The following B3GLCT variants were observed in gnomAD, a reference collection of about 807,000 sequenced individuals.
B3GLCT encodes beta 3-glucosyltransferase.
In B3GLCT, 65 loss-of-function variants were observed where a neutral mutation model predicts 63.4. The ratio of observed to expected loss-of-function variants is 1.03; its 90% CI spans 0.84 to 1.26. The LOEUF is 1.26. Among genes scored for constraint, B3GLCT ranks in the 50% most tolerant of loss-of-function variants. The pLI is 0.00. For missense variants in B3GLCT, 577 were observed against 604.8 expected, an observed-to-expected ratio of 0.95 and a Z score of 0.48; for synonymous variants, 233 against 219.2, an observed-to-expected ratio of 1.06 and a Z score of -0.55.
intron 3 of B3GLCT, among the ~76,000 whole-genome samples, chr13:31,226,947 A>G (rs555123455): frequency 9.3e-4 from 141 of 152,320 alleles, no homozygotes; most frequent in African/African-American, 3.3e-3. Flanking sequence ...GGTATTTATC[A>G]TACTCATGTA....
rs745686985 is a variant in B3GLCT at position 31,284,651 on chromosome 13, C to G, written c.854C>G (p.Pro285Arg). The change falls in exon 11 of 15, where the codon CCT (proline) becomes CGT (arginine). Residue 285 changes from proline (P) to arginine (R), a missense_variant. Physicochemically the swap from Pro to Arg is moderately radical, Grantham distance 103. Coordinates refer to ENST00000343307, the MANE Select transcript of B3GLCT (RefSeq NM_194318.4). ...GTCACCTCTGTAATTTTTTCAGTAC[C>G]TATTGTTAAGCAGACTTGGGAGAGC... is the stretch of plus-strand genomic sequence containing the variant. ...TCKKFHGDRI[P>R]IVKQTWESQA... is the part of the protein sequence containing the mutation. 3 of 1,577,186 alleles carry G rather than the reference C, an allele frequency of 1.9e-6. No homozygotes were observed. Among genetic ancestry groups the G allele is most frequent in the Non-Finnish European group, 2.6e-6 (3 of 1,146,586 alleles).
At chr13:31,291,829 T>C (rs1199127159) in intron 12 of B3GLCT, among the ~76,000 whole-genome samples, 2 of 152,320 alleles carry the variant, frequency 1.3e-5, no homozygotes, top group Non-Finnish European at 1.5e-5. Flanking sequence ...CTTATTGCCC[T>C]GGCCAGAACT....
chr13:31,203,357 T>A (rs9315115), intron 1 of B3GLCT, among the ~76,000 whole-genome samples: 2 of 152,142 alleles, frequency 1.3e-5, no homozygotes, highest in Admixed American at 1.3e-4. Flanking sequence ...TTGGCATGGC[T>A]CCCCAGGTCA....
At chr13:31,279,778 C>T (rs1405263339) in intron 10 of B3GLCT, among the ~76,000 whole-genome samples, 7 of 152,118 alleles carry the variant, frequency 4.6e-5, no homozygotes, top group Non-Finnish European at 1.0e-4. Flanking sequence ...CCTGGGAGCG[C>T]TACGGGAGAC....
rs143116746 is a variant in B3GLCT, at chr13:31,290,485, G to A, written c.1064+3666G>A. Among the ~76,000 whole-genome samples, 835 of 152,296 alleles carry A rather than the reference G, an allele frequency of 5.5e-3. 12 individuals are homozygous for A. Among genetic ancestry groups the A allele is most frequent in the African/African-American group, 0.019 (802 of 41,562 alleles). ...ACTAATTTACACTCCCACCAGCAGT[G>A]TAAAAGTGTTCCTATTTTTCCACAT... On this transcript the variant is annotated intron_variant, in intron 12 of 14. Transcript: ENST00000343307.
chr13:31,290,045 G>A (rs1873575187), intron 12 of B3GLCT, among the ~76,000 whole-genome samples: 1 of 152,074 alleles, frequency 6.6e-6, no homozygotes, highest in African/African-American at 2.4e-5. Context: ...AGGCCCTGGT[G>A]TGTGATGTTC....
chr13:31,266,793 T>G (rs1489073593), intron 7 of B3GLCT, among the ~76,000 whole-genome samples: 2 of 152,190 alleles, frequency 1.3e-5, no homozygotes, highest in East Asian at 3.8e-4. Context: ...TTTTTTGAGA[T>G]GGAGTCTTGT....
chr13:31,283,306 G>C (rs1446797608), intron 10 of B3GLCT: 1 of 152,166 alleles, frequency 6.6e-6, no homozygotes, highest in African/African-American at 2.4e-5. Context: ...CCCTTTCTGG[G>C]GTAAGTTCTC....
intron 1 of B3GLCT, among the ~76,000 whole-genome samples, chr13:31,213,474 C>T (rs1489378359): frequency 1.3e-5 from 2 of 152,072 alleles, no homozygotes; most frequent in African/African-American, 2.4e-5. Flanking sequence ...CCTGTAGTCC[C>T]AGCTACTCGG....
intron 12 of B3GLCT, among the ~76,000 whole-genome samples, chr13:31,297,268 A>G (rs1425903001): frequency 6.6e-6 from 1 of 152,128 alleles, no homozygotes; most frequent in East Asian, 1.9e-4. Context: ...TTTATAATGG[A>G]ACCATCACAC....
Position 31,229,167 on chromosome 13 carries a change from T to G in B3GLCT, c.161-18T>G, listed in dbSNP as rs1365907543. On this transcript the variant is annotated intron_variant, in intron 3 of 14. Coordinates refer to ENST00000343307, the MANE Select transcript of B3GLCT (RefSeq NM_194318.4). ...TTTGTAAAAAGAAATACCTGAAAAC[T>G]ATTTTTTTTTGTTCTAGACTTAAAA... 1.4e-6 allele frequency: 2 copies of G among 1,475,630 alleles called. No individual in the cohort carries two copies. Among genetic ancestry groups the G allele is most frequent in the South Asian group, 1.2e-5 (1 of 86,170 alleles). The allele number at this position is 1,475,630 out of a possible 1,614,324, so 91.4% of individuals were successfully genotyped here.
intron 7 of B3GLCT, among the ~76,000 whole-genome samples, chr13:31,262,533 G>A (rs1484113014): frequency 1.3e-5 from 2 of 152,222 alleles, no homozygotes; most frequent in Admixed American, 1.3e-4. Flanking sequence ...GTGCTCTGCA[G>A]GGGAGAGGGG....
At chr13:31,211,288 G>A (rs974691481) in intron 1 of B3GLCT, among the ~76,000 whole-genome samples, 2 of 152,118 alleles carry the variant, frequency 1.3e-5, no homozygotes, top group Admixed American at 1.3e-4. Flanking sequence ...CCAGCTACTC[G>A]GAGGCTAAGG....
intron 12 of B3GLCT, among the ~76,000 whole-genome samples, chr13:31,293,032 GA>G (rs1873758139): frequency 6.6e-6 from 1 of 151,960 alleles, no homozygotes; most frequent in South Asian, 2.1e-4. Context: ...TGGTTCCAAA[GA>G]ACTTATTTCT....
intron 4 of B3GLCT, among the ~76,000 whole-genome samples, chr13:31,235,712 G>A (rs763211110): frequency 8.5e-5 from 13 of 152,130 alleles, no homozygotes; most frequent in Admixed American, 4.6e-4. Context: ...TAAAATGCAC[G>A]TCTTAAGTGT....
At chr13:31,204,373 T>C (rs1288787787) in intron 1 of B3GLCT, among the ~76,000 whole-genome samples, 5 of 152,098 alleles carry the variant, frequency 3.3e-5, no homozygotes, top group African/African-American at 1.2e-4. Context: ...CAATTAATTA[T>C]CGGATCCAAA....
At chr13:31,221,169 G>T (rs2137755879) in intron 2 of B3GLCT, among the ~76,000 whole-genome samples, 1 of 152,280 alleles carries the variant, frequency 6.6e-6, no homozygotes, top group Admixed American at 6.5e-5. Context: ...TTGCAAAAGG[G>T]GAGTGTTGGG....
At chr13:31,292,928 C>T (rs1348622199) in intron 12 of B3GLCT, among the ~76,000 whole-genome samples, 1 of 151,850 alleles carries the variant, frequency 6.6e-6, no homozygotes, top group African/African-American at 2.4e-5. Flanking sequence ...TCTTTCTCAC[C>T]CTCTCCTGTG....
chr13:31,328,250 T>C (rs1166026976), intron 14 of B3GLCT, among the ~76,000 whole-genome samples: 1 of 152,236 alleles, frequency 6.6e-6, no homozygotes, highest in Non-Finnish European at 1.5e-5. Flanking sequence ...ATCAAAGATT[T>C]AGGCAGACTG....
Sources: gnomAD v4.1 joint callset for allele counts (sites outside exome capture counted in the v4.1 genomes callset) on GRCh38, gnomAD v4.1.1 for gene constraint, MANE v1.5 for transcripts, NCBI Gene and HGNC (gene_info 2026-07-23, HGNC 2026-07-21) for gene names.